Variants in SLC25A26 observed in about 807,000 individuals in gnomAD.
SLC25A26 encodes the protein mitochondrial S-adenosylmethionine carrier protein.
Under a neutral mutation model 37.8 loss-of-function variants are expected in SLC25A26, and 36 were observed. The observed-to-expected ratio is 0.95, with a 90% CI of 0.73 to 1.26. The LOEUF (loss-of-function observed/expected upper bound fraction) is 1.26. Among genes scored for constraint, SLC25A26 ranks in the 50% most tolerant of loss-of-function variants. SLC25A26 has a pLI of 0.00. For missense variants in SLC25A26, 390 were observed against 331.1 expected (o/e 1.18, Z -1.38); for synonymous variants, 129 against 122.5 (o/e 1.05, Z -0.35).
At chr3:66,138,365 T>C (rs1170286987) in intron 1 of SLC25A26, among the ~76,000 whole-genome samples, 2 of 152,128 alleles carry the variant, frequency 1.3e-5, no homozygotes, top group East Asian at 3.9e-4. Flanking sequence ...GGGCAACCAT[T>C]CTTAATTTGA....
At position 66,250,474 on chromosome 3, in the gene SLC25A26, A is replaced by G. The variant is rs191455923; in HGVS notation, c.300+7162A>G. 4.6e-4 allele frequency among the ~76,000 whole-genome samples: 70 copies of G among 152,312 alleles called. 1 individual carries two copies. Among genetic ancestry groups the G allele is most frequent in the Admixed American group, 4.6e-3 (70 of 15,300 alleles). ...GCATTCAGTAGAAACTGTATTTCAG[A>G]TTTTGCATTTTGATCTTTTCCGGGC... On this transcript the variant is annotated intron_variant, in intron 3 of 9. Coordinates refer to ENST00000354883, the MANE Select transcript of SLC25A26 (RefSeq NM_001379210.1).
At chr3:66,175,109 G>GTATA (rs769631849) in intron 1 of SLC25A26, among the ~76,000 whole-genome samples, 1,378 of 97,112 alleles carry the variant, frequency 0.014, 40 homozygotes, top group East Asian at 0.059. Flanking sequence ...ATGTGTGTGT[G>GTATA]TATATATATA....
At chr3:66,368,567 G>C (rs78542228) in intron 7 of SLC25A26, among the ~76,000 whole-genome samples, 340 of 152,308 alleles carry the variant, frequency 2.2e-3, no homozygotes, top group African/African-American at 7.7e-3. Context: ...CTAGCCTGCT[G>C]TCAGGAGCCC....
intron 5 of SLC25A26, among the ~76,000 whole-genome samples, chr3:66,269,706 C>T (rs188048571): frequency 6.6e-6 from 1 of 152,186 alleles, no homozygotes; most frequent in Non-Finnish European, 1.5e-5. Context: ...TCCTGCTTAT[C>T]ATGATTGTAA....
At chr3:66,350,838 T>C (rs567994778) in intron 6 of SLC25A26, among the ~76,000 whole-genome samples, 96 of 152,260 alleles carry the variant, frequency 6.3e-4, no homozygotes, top group Middle Eastern at 3.4e-3. Context: ...TTCTGAAGTA[T>C]GCTTCCAAGG....
intron 1 of SLC25A26, among the ~76,000 whole-genome samples, chr3:66,161,714 T>C (rs1198664464): frequency 1.3e-5 from 2 of 152,204 alleles, no homozygotes; most frequent in Admixed American, 1.3e-4. Context: ...ATCTATGCAT[T>C]CATCTATGGG....
intron 1 of SLC25A26, among the ~76,000 whole-genome samples, chr3:66,193,494 T>G (rs1220191937): frequency 1.3e-5 from 2 of 152,152 alleles, no homozygotes; most frequent in Non-Finnish European, 2.9e-5. Flanking sequence ...CATAGACAAC[T>G]TCCAGAAATT....
Position 66,348,571 on chromosome 3 carries a change from T to C in SLC25A26, c.498+2163T>C, listed in dbSNP as rs1414191791. ...TATAGATTGACTAGTCATGGAGTGC[T>C]CATACAAAATGCATTTTGAAGAGTA... On this transcript the variant is annotated intron_variant, in intron 6 of 9. Coordinates refer to ENST00000354883, the MANE Select transcript of SLC25A26 (RefSeq NM_001379210.1). 2.0e-5 allele frequency among the ~76,000 whole-genome samples: 3 copies of C among 152,290 alleles called. 1 individual carries two copies. In the East Asian group the frequency reaches 5.8e-4, roughly 29 times the overall value.
chr3:66,170,460 C>T (rs1285855958), intron 1 of SLC25A26, among the ~76,000 whole-genome samples: 2 of 152,190 alleles, frequency 1.3e-5, no homozygotes, highest in Non-Finnish European at 2.9e-5. Context: ...TAAAATGTCA[C>T]ACCACACTTA....
intron 5 of SLC25A26, among the ~76,000 whole-genome samples, chr3:66,307,136 G>A (rs368067705): frequency 1.3e-5 from 2 of 151,874 alleles, no homozygotes; most frequent in African/African-American, 4.8e-5. Flanking sequence ...GTGTGAAGGT[G>A]TCTGTTTCTC....
upstream of SLC25A26, among the ~76,000 whole-genome samples, chr3:66,218,402 T>A (rs1325668096): frequency 6.6e-6 from 1 of 152,236 alleles, no homozygotes; most frequent in Non-Finnish European, 1.5e-5. Context: ...GAAACAGCAA[T>A]GTATGAGATT....
intron 1 of SLC25A26, among the ~76,000 whole-genome samples, chr3:66,226,379 C>T (rs190661782): frequency 7.8e-4 from 119 of 152,290 alleles, no homozygotes; most frequent in African/African-American, 2.6e-3. Flanking sequence ...CAATTACCTC[C>T]CACCAGGCCC....
At chr3:66,135,292 C>G (rs2069930178) in intron 1 of SLC25A26, among the ~76,000 whole-genome samples, 2 of 152,064 alleles carry the variant, frequency 1.3e-5, no homozygotes. Flanking sequence ...CAATTTACTC[C>G]TAATCTTTCT....
chr3:66,239,241 T>C (rs1046299605), intron 2 of SLC25A26, among the ~76,000 whole-genome samples: 1 of 151,958 alleles, frequency 6.6e-6, no homozygotes, highest in Admixed American at 6.6e-5. Flanking sequence ...AAGATCTATG[T>C]TTTGAAACCC....
chr3:66,366,509 A>C (rs1007808260), intron 7 of SLC25A26, among the ~76,000 whole-genome samples: 2 of 152,220 alleles, frequency 1.3e-5, no homozygotes, highest in Non-Finnish European at 2.9e-5. Context: ...ATGGTAGTAA[A>C]GTTAGGACCT....
At chr3:66,223,483 T>C (rs1553659416) in intron 1 of SLC25A26, among the ~76,000 whole-genome samples, 1 of 152,194 alleles carries the variant, frequency 6.6e-6, no homozygotes, top group African/African-American at 2.4e-5. Context: ...AATGTTTTAT[T>C]ATCAGAGTAG....
intron 5 of SLC25A26, among the ~76,000 whole-genome samples, chr3:66,287,827 G>T (rs1245324237): frequency 2.0e-5 from 3 of 152,170 alleles, no homozygotes; most frequent in African/African-American, 4.8e-5. Flanking sequence ...TCTTATTGTA[G>T]CACTGCCTTC....
intron 6 of SLC25A26, among the ~76,000 whole-genome samples, chr3:66,360,401 A>C: frequency 6.6e-6 from 1 of 152,310 alleles, no homozygotes. Context: ...TAAGGCAAAA[A>C]TGAAAATAAA....
intron 1 of SLC25A26, among the ~76,000 whole-genome samples, chr3:66,172,627 T>G (rs1243389640): frequency 6.6e-6 from 1 of 152,154 alleles, no homozygotes; most frequent in Non-Finnish European, 1.5e-5. Context: ...CTCAAAGTTC[T>G]AGAGTCCAGA....
Sources: allele counts gnomAD v4.1 joint callset (sites outside exome capture counted in the v4.1 genomes callset), GRCh38; gene constraint gnomAD v4.1.1; transcripts MANE v1.5; gene names NCBI Gene and HGNC (gene_info 2026-07-23, HGNC 2026-07-21).